Variants in MACROD2 observed in about 807,000 individuals in gnomAD.
MACROD2 encodes mono-ADP ribosylhydrolase 2.
MACROD2 carries 36 observed loss-of-function variants against 70.4 expected under a neutral mutation model. That is an observed-to-expected ratio of 0.51 (90% confidence interval 0.39 to 0.68). MACROD2 has a LOEUF of 0.68. MACROD2 is among the 30% of genes least tolerant of loss of function. The pLI is 0.00. For missense variants in MACROD2, 496 were observed against 538.4 expected (o/e 0.92, Z 0.78); for synonymous variants, 172 against 178.8 (o/e 0.96, Z 0.30).
intron 6 of MACROD2, among the ~76,000 whole-genome samples, chr20:15,334,582 AT>A (rs11478951): frequency 0.18 from 27,094 of 148,822 alleles, 2,833 homozygotes; most frequent in Non-Finnish European, 0.23. Flanking sequence ...GGGAAAAATG[AT>A]TTTTTTTAAA....
chr20:15,777,616 TCCCTCCCTCCC>T (rs2051752672), intron 8 of MACROD2, among the ~76,000 whole-genome samples: 1 of 116,176 alleles, frequency 8.6e-6, no homozygotes, highest in East Asian at 3.1e-4. Flanking sequence ...CCTCCCTCTC[TCCCTCCCTCCC>T]TCCTTCCTTC....
rs1210440302 is a variant in MACROD2, at chr20:15,935,063, ATG to A, written c.838+1726_838+1727del. ...TACACACGCACACTCACACACACGT[ATG>A]CATGCACTCACATACACATGTATGC... On this transcript the variant is annotated intron_variant, in intron 11 of 17. Transcript: ENST00000684519. Among the ~76,000 whole-genome samples the A allele has an allele frequency of 5.5e-4, 83 of 152,242 alleles. 1 individual carries two copies. Among genetic ancestry groups the A allele is most frequent in the African/African-American group, 1.9e-3 (79 of 41,534 alleles).
At chr20:14,996,659 TGCTTG>T (rs1395801660) in intron 5 of MACROD2, among the ~76,000 whole-genome samples, 1 of 152,160 alleles carries the variant, frequency 6.6e-6, no homozygotes, top group Admixed American at 6.5e-5. Context: ...AGCAGTGGGC[TGCTTG>T]GCGCAGAGAG....
At chr20:15,057,224 A>G (rs2123068975) in intron 5 of MACROD2, among the ~76,000 whole-genome samples, 1 of 152,338 alleles carries the variant, frequency 6.6e-6, no homozygotes, top group East Asian at 1.9e-4. Context: ...TTTACATGAT[A>G]GGATATATGT....
At chr20:16,015,390 C>T (rs947655392) in intron 15 of MACROD2, among the ~76,000 whole-genome samples, 8 of 152,120 alleles carry the variant, frequency 5.3e-5, no homozygotes, top group South Asian at 2.1e-4. Context: ...ACCCAATTGT[C>T]GTTATTAAAC....
chr20:14,055,142 G>A (rs2053617138), intron 2 of MACROD2, among the ~76,000 whole-genome samples: 1 of 151,998 alleles, frequency 6.6e-6, no homozygotes, highest in East Asian at 1.9e-4. Context: ...AAACTCCAAG[G>A]AAATATTTTC....
Position 14,347,653 on chromosome 20 carries a change from TC to T in MACROD2, c.272-145824del, listed in dbSNP as rs2083077878. 4.6e-5 allele frequency among the ~76,000 whole-genome samples: 7 copies of T among 152,274 alleles called. No individual in the cohort carries two copies. In the South Asian group the frequency reaches 8.3e-4, roughly 18 times the overall value. On this transcript the variant is annotated intron_variant, in intron 3 of 17. Transcript: ENST00000684519. The stretch of plus-strand genomic sequence containing the variant: ...TGCCACTTTTAAGTTTACAGGAGAA[TC>T]CATGGGATTCCCAAGTTTTTATCTG...
At chr20:15,617,962 G>A (rs2049061758) in intron 8 of MACROD2, among the ~76,000 whole-genome samples, 1 of 152,162 alleles carries the variant, frequency 6.6e-6, no homozygotes, top group African/African-American at 2.4e-5. Flanking sequence ...TACCACATAT[G>A]GAACATGTGG....
At chr20:15,267,758 C>A (rs2077308804) in intron 6 of MACROD2, among the ~76,000 whole-genome samples, 1 of 152,090 alleles carries the variant, frequency 6.6e-6, no homozygotes, top group African/African-American at 2.4e-5. Context: ...GACCTGAGCA[C>A]TGGGAGGATG....
chr20:14,833,642 A>G (rs2072996309), intron 5 of MACROD2, among the ~76,000 whole-genome samples: 1 of 151,996 alleles, frequency 6.6e-6, no homozygotes, highest in African/African-American at 2.4e-5. Context: ...TAAAACTTCA[A>G]TTATTTCGAT....
At position 14,826,376 on chromosome 20, in the gene MACROD2, CA is replaced by C. The variant is rs1367542646; in HGVS notation, c.418+141420del. On this transcript the variant is annotated intron_variant, in intron 5 of 17. Coordinates refer to ENST00000684519, the MANE Select transcript of MACROD2 (RefSeq NM_001351661.2). Reference sequence around the variant, plus strand: ...GTATATCAGGCTAATGTCTCTAATACAAATTCTTTTTGAATTTTTCTTAGTT... The same window carrying C: ...GTATATCAGGCTAATGTCTCTAATACAATTCTTTTTGAATTTTTCTTAGTT... Among the ~76,000 whole-genome samples the C allele has an allele frequency of 2.0e-5, 3 of 152,096 alleles. 1 individual carries two copies. Among genetic ancestry groups the C allele is most frequent in the Non-Finnish European group, 4.4e-5 (3 of 68,004 alleles).
At chr20:14,990,552 C>T (rs542965965) in intron 5 of MACROD2, among the ~76,000 whole-genome samples, 6 of 149,042 alleles carry the variant, frequency 4.0e-5, no homozygotes, top group African/African-American at 1.2e-4. Context: ...CTCGCTCTGC[C>T]GCCCAGGCTG....
At chr20:15,072,521 T>G (rs976025337) in intron 5 of MACROD2, among the ~76,000 whole-genome samples, 6 of 152,190 alleles carry the variant, frequency 3.9e-5, no homozygotes, top group Non-Finnish European at 8.8e-5. Context: ...TCTAGTTTAG[T>G]ATCTTGGGCT....
At chr20:14,501,801 C>T (rs1369051973) in intron 4 of MACROD2, among the ~76,000 whole-genome samples, 1 of 152,076 alleles carries the variant, frequency 6.6e-6, no homozygotes, top group Non-Finnish European at 1.5e-5. Context: ...AAATTCTAGG[C>T]TCTTATAAGT....
Position 15,202,085 on chromosome 20 carries a change from T to C in MACROD2, c.419-27855T>C, listed in dbSNP as rs982577957. 2.0e-5 allele frequency among the ~76,000 whole-genome samples: 3 copies of C among 152,190 alleles called. No individual in the cohort carries two copies. The South Asian group carries it at 6.2e-4, about 32-fold the overall frequency. On this transcript the variant is annotated intron_variant, in intron 5 of 17. Transcript: ENST00000684519. ...AAAGATCACTCATGGTGCCTGATAT[T>C]TGGAAGAGACATTTGAAGGACCAGA...
intron 5 of MACROD2, among the ~76,000 whole-genome samples, chr20:14,727,894 A>G (rs73104534): frequency 0.14 from 21,696 of 152,112 alleles, 2,017 homozygotes; most frequent in East Asian, 0.23. Flanking sequence ...ACTTTATATT[A>G]GTGACTATTT....
intron 3 of MACROD2, among the ~76,000 whole-genome samples, chr20:14,112,083 C>T (rs1311591541): frequency 2.0e-5 from 3 of 151,858 alleles, no homozygotes; most frequent in African/African-American, 7.3e-5. Context: ...AACTGGAAAT[C>T]GTTATATTAA....
chr20:15,932,989 G>T (rs2065602208), intron 10 of MACROD2, among the ~76,000 whole-genome samples: 2 of 152,140 alleles, frequency 1.3e-5, no homozygotes, highest in Admixed American at 1.3e-4. Context: ...TTATATTTTG[G>T]GAAATGCCGA....
intron 5 of MACROD2, among the ~76,000 whole-genome samples, chr20:15,139,114 T>C (rs2076172601): frequency 6.6e-6 from 1 of 152,196 alleles, no homozygotes; most frequent in South Asian, 2.1e-4. Flanking sequence ...AACTTAGTAT[T>C]CGTTTTGGCC....
Sources: allele counts gnomAD v4.1 joint callset (sites outside exome capture counted in the v4.1 genomes callset), GRCh38; gene constraint gnomAD v4.1.1; transcripts MANE v1.5; gene names NCBI Gene and HGNC (gene_info 2026-07-23, HGNC 2026-07-21).